The following NOSTRIN variants were observed in gnomAD, a reference collection of about 807,000 sequenced individuals.
The protein encoded by NOSTRIN is nitric oxide synthase trafficking.
A neutral mutation model predicts 59.0 loss-of-function variants in NOSTRIN; 63 were observed. That is an observed-to-expected ratio of 1.07 (90% confidence interval 0.87 to 1.32). The LOEUF is 1.32. Among genes scored for constraint, NOSTRIN ranks in the 40% most tolerant of loss-of-function variants. NOSTRIN has a pLI of 0.00. For synonymous variants in NOSTRIN, 200 were observed against 165.4 expected, an observed-to-expected ratio of 1.21 and a Z score of -1.61; for missense variants, 512 against 473.1, an observed-to-expected ratio of 1.08 and a Z score of -0.76.
intron 12 of NOSTRIN, 45 bp downstream of exon 12, chr2:168,856,823 G>A (rs377037962): frequency 1.9e-6 from 3 of 1,568,196 alleles, no homozygotes; most frequent in East Asian, 2.2e-5. Flanking sequence ...TGATGAAAAG[G>A]GTTATTTTTA....
At chr2:168,834,191 C>CTCCTTTTT in intron 6 of NOSTRIN, 36 bp from the exon 7 acceptor site, 1 of 858,682 alleles carries the variant, frequency 1.2e-6, no homozygotes, top group Non-Finnish European at 2.0e-6. Flanking sequence ...TCAGCCTCTG[C>CTCCTTTTT]TCCTTTTTTT....
intron 14 of NOSTRIN, among the ~76,000 whole-genome samples, chr2:168,861,122 AG>A (rs1689420067): frequency 6.6e-6 from 1 of 152,232 alleles, no homozygotes; most frequent in African/African-American, 2.4e-5. Context: ...TCCTATGAGA[AG>A]TTGCCTCAGA....
Position 168,805,087 on chromosome 2 carries a change from A to G in NOSTRIN, c.27+2414A>G, listed in dbSNP as rs1016489837. On this transcript the variant is annotated intron_variant, in intron 1 of 15. Transcript: ENST00000317647. Reference sequence around the variant, plus strand: ...TCCTTTTTAACCCTACGCTACTTAAAAATGTTATTCTGAATCAAATAGGTT... The same window carrying G: ...TCCTTTTTAACCCTACGCTACTTAAGAATGTTATTCTGAATCAAATAGGTT... Among the ~76,000 whole-genome samples, 13 of 152,236 alleles carry G rather than the reference A, an allele frequency of 8.5e-5. 2 individuals are homozygous for G. Among genetic ancestry groups the G allele is most frequent in the Admixed American group, 7.2e-4 (11 of 15,280 alleles).
Position 168,834,253 on chromosome 2 carries a change from C to T in NOSTRIN, c.432C>T (p.Thr144=). 1.1e-6 allele frequency: 1 copy of T among 872,732 alleles called. No homozygotes were observed. The highest frequency in any genetic ancestry group is 2.0e-6 in the Non-Finnish European group (1 of 501,612). 54.1% of individuals were successfully genotyped at this position (872,732 alleles called of 1,614,324 possible). The part of the protein sequence containing the change: ...IKAKKKLMVS[T]KKHEALFQLV... The stretch of plus-strand genomic sequence containing the variant: ...CCAAGAAGAAATTAATGGTTAGTAC[C>T]AAGAAACATGAAGCACTTTTCCAGC... Residue 144 remains threonine, a synonymous_variant, in exon 7 of 16, where the codon ACC becomes ACT. Coordinates refer to ENST00000317647, the MANE Select transcript of NOSTRIN (RefSeq NM_001039724.4).
chr2:168,817,143 T>C (rs1188175242), intron 2 of NOSTRIN, among the ~76,000 whole-genome samples: 1 of 152,196 alleles, frequency 6.6e-6, no homozygotes, highest in Non-Finnish European at 1.5e-5. Flanking sequence ...GATTTACAGA[T>C]GGGGATATGG....
intron 12 of NOSTRIN, among the ~76,000 whole-genome samples, chr2:168,857,259 G>A (rs1689185273): frequency 1.3e-5 from 2 of 152,208 alleles, no homozygotes; most frequent in African/African-American, 2.4e-5. Context: ...AATGCTCACA[G>A]GAGGAGCTCA....
At chr2:168,864,408 C>T (rs1181743425) in intron 15 of NOSTRIN, among the ~76,000 whole-genome samples, 4 of 152,062 alleles carry the variant, frequency 2.6e-5, no homozygotes, top group African/African-American at 4.8e-5. Flanking sequence ...GCCTCAGCCT[C>T]CTGAGTAGCT....
intron 6 of NOSTRIN, among the ~76,000 whole-genome samples, chr2:168,833,817 A>C (rs1418323687): frequency 4.0e-5 from 1 of 25,194 alleles, no homozygotes; most frequent in Admixed American, 3.8e-4. Context: ...AAACAATCTC[A>C]AATCGTGGCC....
Position 168,864,014 on chromosome 2 carries a change from G to A in NOSTRIN, c.1385-820G>A, listed in dbSNP as rs546384061. On this transcript the variant is annotated intron_variant, in intron 15 of 15. Transcript: ENST00000317647. Reference sequence around the variant, plus strand: ...CAACCTCCGTCTCCTGGATTCAAGTGATTCTCCTGCCTCAGTCTCCCAAGC... The same window carrying A: ...CAACCTCCGTCTCCTGGATTCAAGTAATTCTCCTGCCTCAGTCTCCCAAGC... Among the ~76,000 whole-genome samples, 7 of 151,550 alleles carry A rather than the reference G, an allele frequency of 4.6e-5. No individual in the cohort carries two copies. In the South Asian group the frequency reaches 1.5e-3, roughly 32 times the overall value.
chr2:168,819,923 T>A (rs1039728750), intron 2 of NOSTRIN, among the ~76,000 whole-genome samples: 2 of 152,120 alleles, frequency 1.3e-5, no homozygotes, highest in African/African-American at 4.8e-5. Context: ...ATCCCCCAAA[T>A]GCCTTGCAAC....
At chr2:168,806,300 A>G (rs1352362629) in intron 1 of NOSTRIN, among the ~76,000 whole-genome samples, 2 of 152,066 alleles carry the variant, frequency 1.3e-5, no homozygotes, top group Non-Finnish European at 2.9e-5. Flanking sequence ...AGCATCAATA[A>G]AAATAAATTT....
chr2:168,844,328 C>A (rs531328), intron 8 of NOSTRIN, among the ~76,000 whole-genome samples: 49,685 of 151,836 alleles, frequency 0.33, 9,153 homozygotes, highest in East Asian at 0.59. Context: ...AATTAAATAA[C>A]TATCAATTCT....
chr2:168,847,741 C>T (rs1688516001), intron 8 of NOSTRIN, among the ~76,000 whole-genome samples: 1 of 152,156 alleles, frequency 6.6e-6, no homozygotes, highest in Non-Finnish European at 1.5e-5. Context: ...GTTTGAGGTC[C>T]TCCAGAGTAT....
At chr2:168,818,432 A>G (rs1574273461) in intron 2 of NOSTRIN, 4 of 161,842 alleles carry the variant, frequency 2.5e-5, no homozygotes, top group Admixed American at 6.2e-5. Flanking sequence ...ATGGGATTAG[A>G]GGTGCAAGTC....
At chr2:168,788,249 A>G (rs1463398609) in intron 2 of NOSTRIN, among the ~76,000 whole-genome samples, 4 of 151,964 alleles carry the variant, frequency 2.6e-5, no homozygotes, top group Admixed American at 1.3e-4. Flanking sequence ...TCAAAAAAAA[A>G]AAAAAAAAGA....
chr2:168,821,575 A>C (rs1217499367), intron 2 of NOSTRIN, among the ~76,000 whole-genome samples: 1 of 152,248 alleles, frequency 6.6e-6, no homozygotes, highest in Non-Finnish European at 1.5e-5. Flanking sequence ...CACCAGAGTA[A>C]ACTAAAACAT....
At chr2:168,821,432 T>C (rs1446837959) in intron 2 of NOSTRIN, among the ~76,000 whole-genome samples, 1 of 152,258 alleles carries the variant, frequency 6.6e-6, no homozygotes, top group African/African-American at 2.4e-5. Context: ...GTCCATTCAC[T>C]TATTCATTCA....
chr2:168,832,356 G>A (rs949655817), intron 6 of NOSTRIN, among the ~76,000 whole-genome samples: 2 of 152,094 alleles, frequency 1.3e-5, no homozygotes, highest in Admixed American at 6.5e-5. Context: ...TAGTATAGGA[G>A]GAATTCATTT....
chr2:168,794,879 C>T (rs1376850740), upstream of NOSTRIN, among the ~76,000 whole-genome samples: 2 of 152,208 alleles, frequency 1.3e-5, no homozygotes, highest in Admixed American at 1.3e-4. Flanking sequence ...GCAGGTGTGC[C>T]ACTGCACCTG....
Sources: gnomAD v4.1 joint callset for allele counts (sites outside exome capture counted in the v4.1 genomes callset) on GRCh38, gnomAD v4.1.1 for gene constraint, MANE v1.5 for transcripts, NCBI Gene and HGNC (gene_info 2026-07-23, HGNC 2026-07-21) for gene names.